The following SLAIN2 variants were observed in gnomAD, a reference collection of about 807,000 sequenced individuals.
SLAIN2 encodes SLAIN family member 2, also known as SLAIN motif-containing protein 2.
A neutral mutation model predicts 56.6 loss-of-function variants in SLAIN2; 31 were observed. That is an observed-to-expected ratio of 0.55 (90% CI 0.41 to 0.74). The LOEUF is 0.74. SLAIN2 is among the 30% of genes least tolerant of loss of function. The pLI, the probability that SLAIN2 is intolerant of heterozygous loss-of-function variation, is 0.00. For synonymous variants in SLAIN2, 317 were observed against 284.9 expected (o/e 1.11, Z -1.13); for missense variants, 777 against 754.2 (o/e 1.03, Z -0.35).
At chr4:48,387,581 C>G (rs1186757070) in intron 6 of SLAIN2, 1 of 151,106 alleles carries the variant, frequency 6.6e-6, no homozygotes, top group East Asian at 1.9e-4. Flanking sequence ...ATATTTGTAG[C>G]TGTAGTAAAG....
At chr4:48,389,181 A>T (rs1007750537) in intron 6 of SLAIN2, among the ~76,000 whole-genome samples, 1 of 152,254 alleles carries the variant, frequency 6.6e-6, no homozygotes, top group African/African-American at 2.4e-5. Context: ...CTATTTAAGT[A>T]GTACAGTGAT....
chr4:48,373,680 G>C (rs1291213623), intron 2 of SLAIN2, among the ~76,000 whole-genome samples: 7 of 152,002 alleles, frequency 4.6e-5, no homozygotes, highest in Non-Finnish European at 8.8e-5. Context: ...TTGAGAAATA[G>C]GAATTTTCCC....
intron 1 of SLAIN2, among the ~76,000 whole-genome samples, chr4:48,343,455 G>T (rs1254524505): frequency 6.6e-6 from 1 of 152,176 alleles, no homozygotes. Context: ...GGAGATTCTG[G>T]TGATTCTTAA....
At chr4:48,397,463 A>G (rs1420104453) in intron 6 of SLAIN2, among the ~76,000 whole-genome samples, 2 of 152,216 alleles carry the variant, frequency 1.3e-5, no homozygotes, top group Admixed American at 6.5e-5. Flanking sequence ...TGAAATAAAC[A>G]GTATTTATAG....
chr4:48,387,885 T>G (rs1446053478), intron 6 of SLAIN2, among the ~76,000 whole-genome samples: 1 of 152,142 alleles, frequency 6.6e-6, no homozygotes, highest in Non-Finnish European at 1.5e-5. Flanking sequence ...TATAATAAGC[T>G]TTATATACTT....
intron 1 of SLAIN2, among the ~76,000 whole-genome samples, chr4:48,356,444 A>G (rs1418198912): frequency 6.6e-6 from 1 of 152,122 alleles, no homozygotes; most frequent in Non-Finnish European, 1.5e-5. Context: ...CTGTACTAGT[A>G]GCTGAAAAGA....
At chr4:48,353,547 T>C (rs555464453) in intron 1 of SLAIN2, among the ~76,000 whole-genome samples, 13 of 152,254 alleles carry the variant, frequency 8.5e-5, no homozygotes, top group African/African-American at 2.2e-4. Context: ...CTCTCCACGA[T>C]GCATGAAACA....
intron 2 of SLAIN2, among the ~76,000 whole-genome samples, chr4:48,374,277 C>T (rs1715746664): frequency 6.6e-6 from 1 of 151,992 alleles, no homozygotes. Flanking sequence ...TGCTCTGTTG[C>T]CCAGGCTGGA....
At chr4:48,368,197 C>T (rs952153138) in intron 1 of SLAIN2, among the ~76,000 whole-genome samples, 45 of 151,688 alleles carry the variant, frequency 3.0e-4, no homozygotes, top group South Asian at 1.0e-3. Context: ...TACGGGTGCC[C>T]GCCACCACAC....
chr4:48,383,119 G>A (rs1246553936), intron 5 of SLAIN2, among the ~76,000 whole-genome samples, 192 bp downstream of exon 5: 2 of 137,198 alleles, frequency 1.5e-5, no homozygotes, highest in African/African-American at 5.5e-5. Context: ...AGTGAGCTGT[G>A]ATCACACCAT....
At position 48,423,144 on chromosome 4, in the gene SLAIN2, T is replaced by C. The variant is rs1317582074; in HGVS notation, c.*1067T>C. On this transcript the variant is annotated 3_prime_UTR_variant, in exon 8 of 8. Coordinates refer to ENST00000264313, the MANE Select transcript of SLAIN2 (RefSeq NM_020846.2). ...CATGGCATAACGGTCTATTATGTGG[T>C]AGGAAAATATAGCCTGCTAAATCCT... is the stretch of plus-strand genomic sequence containing the variant. 1.3e-5 allele frequency: 2 copies of C among 152,194 alleles called. No homozygotes were observed. The highest frequency in any genetic ancestry group is 4.8e-5 in the African/African-American group (2 of 41,456). The allele number at this position is 152,194 out of a possible 1,614,324, so 9.4% of individuals were successfully genotyped here.
intron 1 of SLAIN2, among the ~76,000 whole-genome samples, chr4:48,352,279 T>C (rs1367767470): frequency 6.6e-6 from 1 of 152,200 alleles, no homozygotes; most frequent in East Asian, 1.9e-4. Context: ...AACCAAACTA[T>C]TGAGTCCACA....
At chr4:48,342,246 G>A in intron 1 of SLAIN2, 118 bp downstream of exon 1, 1 of 1,230,712 alleles carries the variant, frequency 8.1e-7, no homozygotes. Context: ...GCTCTCCTGT[G>A]GCGACTTGTG....
At chr4:48,357,046 T>A (rs1403635455) in intron 1 of SLAIN2, among the ~76,000 whole-genome samples, 1 of 151,722 alleles carries the variant, frequency 6.6e-6, no homozygotes, top group Non-Finnish European at 1.5e-5. Context: ...TTAATGAGTT[T>A]GCCTTGCTAA....
At position 48,420,157 on chromosome 4, in the gene SLAIN2, G is replaced by A. The variant is rs1717108298; in HGVS notation, c.1393G>A (p.Ala465Thr). Residue 465 changes from alanine to threonine, a missense_variant, in exon 7 of 8, where the codon GCA (alanine) becomes ACA (threonine). Transcript: ENST00000264313. The stretch of plus-strand genomic sequence containing the variant: ...TCCAGGCAAATTCCGTTCCCCTGCA[G>A]CACCATCTCCTTTGGCTCTTCGGCA... ...PSPGKFRSPA[A>T]PSPLALRQPV... 1 of 1,613,926 alleles carries A rather than the reference G, an allele frequency of 6.2e-7. No individual in the cohort carries two copies. The highest frequency in any genetic ancestry group is 8.5e-7 in the Non-Finnish European group (1 of 1,179,860).
intron 6 of SLAIN2, among the ~76,000 whole-genome samples, chr4:48,401,434 C>G (rs1211629858): frequency 6.6e-6 from 1 of 152,178 alleles, no homozygotes; most frequent in East Asian, 1.9e-4. Flanking sequence ...TCTCTAAGAA[C>G]TTGCTTTATG....
chr4:48,424,899 G>C lies in SLAIN2; in HGVS notation c.*2822G>C, dbSNP rs1424716287. ...GAATGTACAGGTGTCCATTTTTGAC[G>C]TTAAGCATGGTCCTTTAAGGTCACA... On this transcript the variant is annotated 3_prime_UTR_variant, in exon 8 of 8. Coordinates refer to ENST00000264313, the MANE Select transcript of SLAIN2 (RefSeq NM_020846.2). 1 of 151,978 alleles carries C rather than the reference G, an allele frequency of 6.6e-6. No individual in the cohort carries two copies. The allele number at this position is 151,978 out of a possible 1,614,324, so 9.4% of individuals were successfully genotyped here.
chr4:48,383,126 C>A (rs1006545855), intron 5 of SLAIN2, among the ~76,000 whole-genome samples, 199 bp downstream of exon 5: 16 of 146,112 alleles, frequency 1.1e-4, no homozygotes, highest in Middle Eastern at 3.6e-3. Context: ...TGTGATCACA[C>A]CATTACACTC....
chr4:48,410,695 C>T (rs1716822842), intron 6 of SLAIN2, among the ~76,000 whole-genome samples: 3 of 152,186 alleles, frequency 2.0e-5, no homozygotes, highest in African/African-American at 7.2e-5. Context: ...CCATGCTCTT[C>T]TATTCCTTTT....
Sources: gnomAD v4.1 joint callset for allele counts (sites outside exome capture counted in the v4.1 genomes callset) on GRCh38, gnomAD v4.1.1 for gene constraint, MANE v1.5 for transcripts, NCBI Gene and HGNC (gene_info 2026-07-23, HGNC 2026-07-21) for gene names.